PAPPA2: variants seen among roughly 807,000 people sequenced by gnomAD.
The protein encoded by PAPPA2 is pappalysin-2.
Under a neutral mutation model 176.4 loss-of-function variants are expected in PAPPA2, and 86 were observed. The ratio of observed to expected loss-of-function variants is 0.49; its 90% confidence interval spans 0.41 to 0.58. The LOEUF (loss-of-function observed/expected upper bound fraction) is 0.58, where lower values mean the gene tolerates loss of function less well. PAPPA2 is among the 20% of genes least tolerant of loss of function. The probability of loss-of-function intolerance (pLI) is 0.00; values close to 1 mark genes in which losing one functional copy is unlikely to be tolerated. For missense variants in PAPPA2, 2,073 were observed against 2,256.9 expected, an observed-to-expected ratio of 0.92 and a Z score of 1.65; for synonymous variants, 809 against 852.2, an observed-to-expected ratio of 0.95 and a Z score of 0.88.
chr1:176,609,141 T>C (rs558261079), intron 3 of PAPPA2, among the ~76,000 whole-genome samples: 76 of 152,220 alleles, frequency 5.0e-4, no homozygotes, highest in Non-Finnish European at 8.4e-4. Context: ...AAAATTATTT[T>C]TGCACAGTGA....
chr1:176,502,022 G>A (rs1647990911), intron 1 of PAPPA2, among the ~76,000 whole-genome samples: 1 of 152,290 alleles, frequency 6.6e-6, no homozygotes, highest in Non-Finnish European at 1.5e-5. Flanking sequence ...AACTTCTGAT[G>A]TAAGTTTTTT....
intron 2 of PAPPA2, among the ~76,000 whole-genome samples, chr1:176,577,445 A>G (rs533103925): frequency 2.0e-5 from 3 of 152,316 alleles, no homozygotes; most frequent in South Asian, 4.1e-4. Flanking sequence ...GAAAGGTGCT[A>G]GTGAAACAGT....
At chr1:176,745,066 T>A (rs968520547) in intron 14 of PAPPA2, among the ~76,000 whole-genome samples, 29 of 152,180 alleles carry the variant, frequency 1.9e-4, no homozygotes, top group African/African-American at 6.8e-4. Context: ...CAATCAGGTG[T>A]GCTAGTTATC....
intron 1 of PAPPA2, among the ~76,000 whole-genome samples, chr1:176,524,602 T>A (rs1010196033): frequency 3.9e-5 from 6 of 152,202 alleles, no homozygotes; most frequent in African/African-American, 1.4e-4. Context: ...TATGACACTA[T>A]CTTCTTTTAA....
intron 1 of PAPPA2, among the ~76,000 whole-genome samples, chr1:176,528,219 T>G (rs923267583): frequency 6.6e-6 from 1 of 152,174 alleles, no homozygotes; most frequent in Admixed American, 6.5e-5. Flanking sequence ...TGGTCCAAGA[T>G]AGACTGAAGA....
At chr1:176,800,202 C>A in intron 21 of PAPPA2, 70 bp downstream of exon 21, 1 of 1,502,084 alleles carries the variant, frequency 6.7e-7, no homozygotes, top group Non-Finnish European at 9.3e-7. Flanking sequence ...GAGCTTGAAT[C>A]CTTCTAATTT....
At chr1:176,526,243 G>A (rs531273161) in intron 1 of PAPPA2, among the ~76,000 whole-genome samples, 42 of 152,276 alleles carry the variant, frequency 2.8e-4, no homozygotes, top group African/African-American at 9.9e-4. Context: ...GGCCATTGCC[G>A]GCTGTGGAAA....
At chr1:176,731,697 A>G (rs187746598) in intron 12 of PAPPA2, among the ~76,000 whole-genome samples, 6 of 152,026 alleles carry the variant, frequency 3.9e-5, no homozygotes, top group South Asian at 2.1e-4. Flanking sequence ...ATATATGTGT[A>G]CATATATGTG....
chr1:176,657,046 C>G (rs61822987), intron 3 of PAPPA2, among the ~76,000 whole-genome samples: 18,470 of 151,912 alleles, frequency 0.12, 1,387 homozygotes, highest in South Asian at 0.23. Context: ...GCCCAGACAG[C>G]ATTCCTACTC....
At chr1:176,753,369 T>C (rs1663268691) in intron 14 of PAPPA2, among the ~76,000 whole-genome samples, 1 of 152,160 alleles carries the variant, frequency 6.6e-6, no homozygotes, top group Non-Finnish European at 1.5e-5. Context: ...CCTCATCTGC[T>C]GCTTTACGGA....
rs1355208489 is a variant in PAPPA2, at chr1:176,699,198, G to A, written c.2845G>A (p.Glu949Lys). The A allele has an allele frequency of 6.2e-6, 10 of 1,614,154 alleles. No individual in the cohort carries two copies. The highest frequency in any genetic ancestry group is 1.7e-5 in the Admixed American group (1 of 60,026). Residue 949 changes from glutamate to lysine, a missense_variant, in exon 8 of 23, where the codon GAA (glutamate) becomes AAA (lysine). Coordinates refer to ENST00000367662, the MANE Select transcript of PAPPA2 (RefSeq NM_020318.3). Reference protein sequence around the residue: ...HMNMTVPCPTEGCSLELLFQH... With the variant: ...HMNMTVPCPTKGCSLELLFQH... ...GAACATGACGGTCCCCTGCCCCACA[G>A]AAGGCTGTAGCTTGGAGCTGCTCTT...
chr1:176,468,506 C>A (rs1313372424), intron 1 of PAPPA2, among the ~76,000 whole-genome samples: 1 of 152,124 alleles, frequency 6.6e-6, no homozygotes, highest in African/African-American at 2.4e-5. Context: ...TAAGTGCTGG[C>A]AAAGTGGTCA....
chr1:176,751,159 G>GGCATTATT (rs1336829006), intron 14 of PAPPA2, among the ~76,000 whole-genome samples: 1 of 151,508 alleles, frequency 6.6e-6, no homozygotes, highest in African/African-American at 2.4e-5. Flanking sequence ...GTAGATATGC[G>GGCATTATT]GCATTATTTC....
intron 1 of PAPPA2, among the ~76,000 whole-genome samples, chr1:176,518,452 TAAA>T (rs368157026): frequency 5.2e-4 from 63 of 121,706 alleles, no homozygotes; most frequent in Middle Eastern, 4.4e-3. Context: ...GCTTGACAGG[TAAA>T]AAAAAAAAAA....
intron 12 of PAPPA2, 48 bp downstream of exon 12, chr1:176,712,029 A>ATGTGTGTG (rs66731142): frequency 1.3e-4 from 180 of 1,426,136 alleles, no homozygotes; most frequent in Middle Eastern, 3.9e-4. Context: ...GTGTAAGCAT[A>ATGTGTGTG]TGTGTGTGTG....
chr1:176,664,959 A>G (rs1467715641), intron 3 of PAPPA2, among the ~76,000 whole-genome samples: 1 of 152,146 alleles, frequency 6.6e-6, no homozygotes, highest in Non-Finnish European at 1.5e-5. Flanking sequence ...TGGGGTCATC[A>G]GCAGTTGGTT....
intron 3 of PAPPA2, among the ~76,000 whole-genome samples, chr1:176,604,676 A>G (rs546026297): frequency 6.6e-6 from 1 of 152,372 alleles, no homozygotes; most frequent in Non-Finnish European, 1.5e-5. Flanking sequence ...CCCTGCTTAA[A>G]TACATATTTA....
At chr1:176,654,656 T>G (rs1446791942) in intron 3 of PAPPA2, among the ~76,000 whole-genome samples, 4 of 151,628 alleles carry the variant, frequency 2.6e-5, no homozygotes, top group Non-Finnish European at 5.9e-5. Context: ...CTCTATAGAT[T>G]GCTTGGGAAG....
chr1:176,715,501 T>G (rs1415811791), intron 12 of PAPPA2, among the ~76,000 whole-genome samples: 1 of 152,200 alleles, frequency 6.6e-6, no homozygotes, highest in Non-Finnish European at 1.5e-5. Context: ...GTGCCCCAAC[T>G]GGGCTCGTTT....
Sources: gnomAD v4.1 joint callset for allele counts (sites outside exome capture counted in the v4.1 genomes callset) on GRCh38, gnomAD v4.1.1 for gene constraint, MANE v1.5 for transcripts, NCBI Gene and HGNC (gene_info 2026-07-23, HGNC 2026-07-21) for gene names.